Variants in LAMA2 observed in about 807,000 individuals in gnomAD.
LAMA2 encodes the protein laminin subunit alpha 2.
LAMA2 carries 269 observed loss-of-function variants against 364.8 expected under a neutral mutation model. The ratio of observed to expected loss-of-function variants is 0.74; its 90% CI spans 0.67 to 0.82. LAMA2 has a LOEUF of 0.82. Ranked by LOEUF, LAMA2 falls within the 40% of genes least tolerant of loss-of-function variation. The pLI, the probability that LAMA2 is intolerant of heterozygous loss-of-function variation, is 0.00. For missense variants in LAMA2, 3,807 were observed against 3,873.2 expected (o/e 0.98, Z 0.45); for synonymous variants, 1,379 against 1,370.6 (o/e 1.01, Z -0.14).
intron 3 of LAMA2, 70 bp from the exon 4 acceptor site, chr6:129,098,103 C>A (rs1775292397): frequency 6.8e-7 from 1 of 1,473,344 alleles, no homozygotes; most frequent in Non-Finnish European, 9.5e-7. Flanking sequence ...AGCATTTAGA[C>A]TTATATTTGA....
At chr6:129,056,631 A>C (rs183897283) in intron 2 of LAMA2, among the ~76,000 whole-genome samples, 1 of 152,196 alleles carries the variant, frequency 6.6e-6, no homozygotes, top group African/African-American at 2.4e-5. Flanking sequence ...CATAGTCTTC[A>C]TGTTTTCAGT....
intron 4 of LAMA2, among the ~76,000 whole-genome samples, chr6:129,112,430 C>A (rs1313642043): frequency 6.6e-6 from 1 of 151,884 alleles, no homozygotes; most frequent in Non-Finnish European, 1.5e-5. Context: ...CACTACTAAG[C>A]AAATGCGTTA....
intron 1 of LAMA2, among the ~76,000 whole-genome samples, chr6:129,046,114 G>A (rs1369733376): frequency 6.6e-6 from 1 of 152,128 alleles, no homozygotes; most frequent in Admixed American, 6.5e-5. Context: ...CCTTTAAACA[G>A]AATTCCCAGC....
chr6:129,249,165 T>C, intron 12 of LAMA2, among the ~76,000 whole-genome samples: 1 of 152,150 alleles, frequency 6.6e-6, no homozygotes, highest in Non-Finnish European at 1.5e-5. Flanking sequence ...CTGGTCAGGG[T>C]TGGACGTGAA....
intron 18 of LAMA2, among the ~76,000 whole-genome samples, chr6:129,287,192 A>G (rs925014854): frequency 6.6e-6 from 1 of 150,970 alleles, no homozygotes; most frequent in African/African-American, 2.4e-5. Flanking sequence ...ACAGTTCAGT[A>G]TCACCTTATG....
In LAMA2 at chr6:129,233,345, A is replaced by T. The variant is rs112006939; in HGVS notation, c.1783-16767A>T. Among the ~76,000 whole-genome samples the T allele has an allele frequency of 5.8e-3, 881 of 152,280 alleles. 4 individuals are homozygous for T. The highest frequency in any genetic ancestry group is 0.02 in the African/African-American group (818 of 41,578). ...GATGCTGACCTCTACACAGTTGAAA[A>T]TTTGTTTATAATTTTTAGCTCCCTA... On this transcript the variant is annotated intron_variant, in intron 12 of 64. Transcript: ENST00000421865.
intron 3 of LAMA2, among the ~76,000 whole-genome samples, chr6:129,084,804 A>G (rs558406746): frequency 6.6e-6 from 1 of 152,298 alleles, no homozygotes; most frequent in Admixed American, 6.5e-5. Context: ...AATGGCTGCA[A>G]TCATTTTACA....
intron 18 of LAMA2, among the ~76,000 whole-genome samples, chr6:129,284,430 C>T (rs1301910160): frequency 6.6e-6 from 1 of 152,032 alleles, no homozygotes; most frequent in Admixed American, 6.6e-5. Context: ...TCTACTGCTA[C>T]GTTTTAAAAT....
At chr6:128,954,258 G>A (rs952496619) in intron 1 of LAMA2, among the ~76,000 whole-genome samples, 4 of 151,994 alleles carry the variant, frequency 2.6e-5, no homozygotes, top group East Asian at 1.9e-4. Context: ...TCTTGAAGAC[G>A]GCTATCATTT....
chr6:129,150,178 A>AT (rs1205368639), intron 7 of LAMA2, among the ~76,000 whole-genome samples: 1 of 152,120 alleles, frequency 6.6e-6, no homozygotes, highest in Non-Finnish European at 1.5e-5. Flanking sequence ...CCACCATTGG[A>AT]TCATCACTCA....
chr6:129,484,400 A>G (rs1014773403), intron 55 of LAMA2, among the ~76,000 whole-genome samples: 1 of 152,202 alleles, frequency 6.6e-6, no homozygotes, highest in African/African-American at 2.4e-5. Context: ...CATACTCTCT[A>G]CAAGCCAGCA....
intron 1 of LAMA2, among the ~76,000 whole-genome samples, chr6:128,908,285 A>G (rs1369344474): frequency 1.3e-5 from 2 of 152,072 alleles, no homozygotes; most frequent in Non-Finnish European, 1.5e-5. Flanking sequence ...TTGGTTGGTA[A>G]GCTATTGATT....
chr6:129,492,934 G>T (rs1784949909), intron 58 of LAMA2, among the ~76,000 whole-genome samples: 1 of 152,112 alleles, frequency 6.6e-6, no homozygotes, highest in Non-Finnish European at 1.5e-5. Flanking sequence ...CAGGCAGATT[G>T]CCTGAGCTCA....
chr6:129,374,724 C>T (rs1337836722), intron 34 of LAMA2, among the ~76,000 whole-genome samples: 3 of 151,642 alleles, frequency 2.0e-5, no homozygotes, highest in Non-Finnish European at 2.9e-5. Flanking sequence ...ATTGCAGGCA[C>T]CTGCTACCAT....
At chr6:129,369,845 T>C (rs1246277970) in intron 33 of LAMA2, 47 bp from the exon 34 acceptor site, 7 of 1,499,946 alleles carry the variant, frequency 4.7e-6, no homozygotes, top group Non-Finnish European at 6.5e-6. Context: ...ACACTATCAC[T>C]GCAAGGCCAT....
At chr6:129,098,745 C>G (rs997291278) in intron 4 of LAMA2, among the ~76,000 whole-genome samples, 5 of 152,170 alleles carry the variant, frequency 3.3e-5, no homozygotes, top group Admixed American at 3.3e-4. Flanking sequence ...TAAAGGTGGC[C>G]TTACATTTGA....
intron 1 of LAMA2, among the ~76,000 whole-genome samples, chr6:128,985,235 G>C (rs979796055): frequency 6.6e-6 from 1 of 152,076 alleles, no homozygotes; most frequent in Non-Finnish European, 1.5e-5. Flanking sequence ...TCTTTTGAAG[G>C]GTGCTGTTGT....
chr6:129,441,211 A>G (rs1449615202), intron 43 of LAMA2, among the ~76,000 whole-genome samples: 1 of 152,012 alleles, frequency 6.6e-6, no homozygotes, highest in South Asian at 2.1e-4. Flanking sequence ...TTCCTCTGAA[A>G]TTTTTCCAGT....
At chr6:129,392,743 A>G (rs1779388711) in intron 36 of LAMA2, among the ~76,000 whole-genome samples, 1 of 152,332 alleles carries the variant, frequency 6.6e-6, no homozygotes, top group East Asian at 1.9e-4. Flanking sequence ...TGGTATGTGA[A>G]GTGAATCTTA....
Sources: gnomAD v4.1 joint callset for allele counts (sites outside exome capture counted in the v4.1 genomes callset) on GRCh38, gnomAD v4.1.1 for gene constraint, MANE v1.5 for transcripts, NCBI Gene and HGNC (gene_info 2026-07-23, HGNC 2026-07-21) for gene names.